KCNIP4: variants seen among roughly 807,000 people sequenced by gnomAD.
KCNIP4 encodes the protein potassium voltage-gated channel interacting protein 4, also known as Kv channel-interacting protein 4.
KCNIP4 carries 12 observed loss-of-function variants against 34.0 expected under a neutral mutation model. That is an observed-to-expected ratio of 0.35 (90% confidence interval 0.23 to 0.57). The LOEUF (loss-of-function observed/expected upper bound fraction) is 0.57. KCNIP4 is among the 20% of genes least tolerant of loss of function. KCNIP4 has a pLI of 0.83. For synonymous variants in KCNIP4, 124 were observed against 102.2 expected (o/e 1.21, Z -1.29); for missense variants, 238 against 311.7 (o/e 0.76, Z 1.78).
intron 3 of KCNIP4, among the ~76,000 whole-genome samples, chr4:20,787,043 T>TA (rs1253130033): frequency 6.6e-6 from 1 of 152,146 alleles, no homozygotes. Flanking sequence ...ATAAATAAAA[T>TA]ACTGCTTAGA....
At chr4:21,841,854 T>C (rs1212666409) in intron 1 of KCNIP4, among the ~76,000 whole-genome samples, 4 of 152,154 alleles carry the variant, frequency 2.6e-5, no homozygotes, top group Admixed American at 2.6e-4. Context: ...TAAGAGTCAG[T>C]GCACTTAAGA....
At chr4:21,666,806 G>A (rs1321182988) in intron 1 of KCNIP4, among the ~76,000 whole-genome samples, 1 of 152,096 alleles carries the variant, frequency 6.6e-6, no homozygotes, top group Non-Finnish European at 1.5e-5. Flanking sequence ...TAAAAGATAC[G>A]CTTCAGCTAG....
chr4:21,484,608 G>A (rs576985933), intron 1 of KCNIP4, among the ~76,000 whole-genome samples: 1 of 152,072 alleles, frequency 6.6e-6, no homozygotes, highest in East Asian at 1.9e-4. Context: ...GTTTGGTCGG[G>A]GGTCATTCCC....
At chr4:20,888,155 A>C (rs1487717304) in intron 1 of KCNIP4, among the ~76,000 whole-genome samples, 2 of 152,010 alleles carry the variant, frequency 1.3e-5, no homozygotes, top group Non-Finnish European at 2.9e-5. Flanking sequence ...TAATTAATTT[A>C]AAAGAAAGCC....
chr4:21,152,946 C>G (rs1752866228), intron 1 of KCNIP4, among the ~76,000 whole-genome samples: 1 of 152,148 alleles, frequency 6.6e-6, no homozygotes. Context: ...CAAAACTGGT[C>G]CCTGGTGCCA....
intron 1 of KCNIP4, among the ~76,000 whole-genome samples, chr4:21,576,085 T>C (rs1233325131): frequency 6.6e-6 from 1 of 152,138 alleles, no homozygotes; most frequent in Non-Finnish European, 1.5e-5. Flanking sequence ...CTCACAGGAG[T>C]TGGCCTATTG....
intron 1 of KCNIP4, among the ~76,000 whole-genome samples, chr4:21,679,672 C>T (rs528187879): frequency 8.5e-5 from 13 of 152,250 alleles, no homozygotes; most frequent in South Asian, 6.2e-4. Flanking sequence ...TCTATATATA[C>T]GCATATCTCA....
intron 1 of KCNIP4, among the ~76,000 whole-genome samples, chr4:21,474,218 T>C (rs779599141): frequency 1.2e-4 from 19 of 152,152 alleles, no homozygotes; most frequent in Non-Finnish European, 1.9e-4. Context: ...AATTTCTACT[T>C]AAGAGCAGGC....
chr4:21,297,650 G>A lies in KCNIP4; in HGVS notation c.62-414941C>T, dbSNP rs189948680. Among the ~76,000 whole-genome samples, 79 of 152,126 alleles carry A rather than the reference G, an allele frequency of 5.2e-4. 1 individual carries two copies. Among genetic ancestry groups the A allele is most frequent in the African/African-American group, 1.5e-3 (64 of 41,504 alleles). On this transcript the variant is annotated intron_variant, in intron 1 of 8. Coordinates refer to ENST00000382152, the MANE Select transcript of KCNIP4 (RefSeq NM_025221.6). Reference sequence around the variant, plus strand: ...CTATAAGATGATCAATTTGAAACTGGCAGTTTCTGCAGGATGTTTTGTTCT... The same window carrying A: ...CTATAAGATGATCAATTTGAAACTGACAGTTTCTGCAGGATGTTTTGTTCT...
intron 2 of KCNIP4, among the ~76,000 whole-genome samples, chr4:20,881,520 A>C (rs1275300610): frequency 6.6e-6 from 1 of 152,188 alleles, no homozygotes; most frequent in Non-Finnish European, 1.5e-5. Flanking sequence ...GCTTGAAAAA[A>C]ATTGTGTATA....
rs36044149 is a variant in KCNIP4, at chr4:20,988,000, C to CAAAAAAAAAAAAAAAAAAAAAAA, written c.62-105292_62-105291insTTTTTTTTTTTTTTTTTTTTTTT. Reference sequence around the variant, plus strand: ...TGGGCGACACGGCGAGATTCCATCTCAAAAAAAAAAAAAAAAAAAAAATTA... The same window carrying CAAAAAAAAAAAAAAAAAAAAAAA: ...TGGGCGACACGGCGAGATTCCATCTCAAAAAAAAAAAAAAAAAAAAAAAAAAAAAAAAAAAAAAAAAAAAATTA... On this transcript the variant is annotated intron_variant, in intron 1 of 8. Transcript: ENST00000382152. Among the ~76,000 whole-genome samples, 89 of 46,318 alleles carry CAAAAAAAAAAAAAAAAAAAAAAA rather than the reference C, an allele frequency of 1.9e-3. 7 individuals carry two copies. Among genetic ancestry groups the CAAAAAAAAAAAAAAAAAAAAAAA allele is most frequent in the East Asian group, 5.8e-3 (8 of 1,376 alleles). The allele number at this position is 46,318 out of a possible 152,430, so 30.4% of individuals were successfully genotyped here.
At chr4:20,954,457 G>A (rs1422867354) in intron 1 of KCNIP4, among the ~76,000 whole-genome samples, 1 of 152,038 alleles carries the variant, frequency 6.6e-6, no homozygotes, top group Non-Finnish European at 1.5e-5. Context: ...TACTCTGCAG[G>A]GTGTAGAGAT....
chr4:20,879,814 T>A (rs1008854737), intron 2 of KCNIP4, among the ~76,000 whole-genome samples: 1 of 152,154 alleles, frequency 6.6e-6, no homozygotes, highest in African/African-American at 2.4e-5. Context: ...CTAATATAAA[T>A]TGGGAAGCTT....
intron 1 of KCNIP4, among the ~76,000 whole-genome samples, chr4:21,201,633 G>A (rs939013987): frequency 6.6e-6 from 1 of 152,138 alleles, no homozygotes; most frequent in African/African-American, 2.4e-5. Context: ...CAAGTAGCTG[G>A]GACTACAGTT....
intron 1 of KCNIP4, among the ~76,000 whole-genome samples, chr4:21,451,072 C>T (rs1398724798): frequency 6.6e-6 from 1 of 152,066 alleles, no homozygotes; most frequent in Non-Finnish European, 1.5e-5. Flanking sequence ...GTGTTTCATA[C>T]ATTGAGAACA....
intron 1 of KCNIP4, among the ~76,000 whole-genome samples, chr4:21,560,354 T>C (rs1739414106): frequency 6.6e-6 from 1 of 152,122 alleles, no homozygotes; most frequent in African/African-American, 2.4e-5. Flanking sequence ...ATAGCTGTTT[T>C]TGCAATTGAG....
chr4:21,453,385 A>C (rs1728672708), intron 1 of KCNIP4, among the ~76,000 whole-genome samples: 1 of 152,120 alleles, frequency 6.6e-6, no homozygotes, highest in Admixed American at 6.6e-5. Flanking sequence ...GCAATCTTAA[A>C]ATATGGGTTT....
intron 1 of KCNIP4, among the ~76,000 whole-genome samples, chr4:21,816,204 C>A (rs927995569): frequency 1.3e-5 from 2 of 152,090 alleles, no homozygotes; most frequent in East Asian, 1.9e-4. Context: ...AGGGACACTG[C>A]AAAAATGTAC....
chr4:20,865,062 A>C (rs536837989), intron 2 of KCNIP4, among the ~76,000 whole-genome samples: 1 of 152,106 alleles, frequency 6.6e-6, no homozygotes, highest in Admixed American at 6.6e-5. Context: ...ATATCTGAGC[A>C]ATGTGATATT....
Sources: allele counts gnomAD v4.1 joint callset (sites outside exome capture counted in the v4.1 genomes callset), GRCh38; gene constraint gnomAD v4.1.1; transcripts MANE v1.5; gene names NCBI Gene and HGNC (gene_info 2026-07-23, HGNC 2026-07-21).